Variants in DOCK10 observed in about 807,000 individuals in gnomAD.
DOCK10 encodes the protein dedicator of cytokinesis protein 10.
DOCK10 carries 145 observed loss-of-function variants against 280.1 expected under a neutral mutation model. The ratio of observed to expected loss-of-function variants is 0.52; its 90% CI spans 0.45 to 0.59. The LOEUF (loss-of-function observed/expected upper bound fraction) is 0.59, where lower values mean the gene tolerates loss of function less well. Among genes scored for constraint, DOCK10 ranks in the 20% least tolerant of loss-of-function variants. DOCK10 has a pLI of 0.00. For synonymous variants in DOCK10, 915 were observed against 942.2 expected (o/e 0.97, Z 0.53); for missense variants, 2,368 against 2,651.7 (o/e 0.89, Z 2.35).
At chr2:224,803,770 A>T (rs1177236266) in intron 39 of DOCK10, among the ~76,000 whole-genome samples, 1 of 152,186 alleles carries the variant, frequency 6.6e-6, no homozygotes, top group Non-Finnish European at 1.5e-5. Flanking sequence ...AGCTAGCATT[A>T]AAAGAGGCAT....
chr2:224,956,625 G>GAAAAAAAAAAA (rs3083983), intron 1 of DOCK10, among the ~76,000 whole-genome samples: 1 of 78,656 alleles, frequency 1.3e-5, no homozygotes, highest in Non-Finnish European at 2.3e-5. Context: ...CGCTACCTCA[G>GAAAAAAAAAAA]AAAAAAAAAA....
rs138175747 is a variant in DOCK10 at position 224,951,693 on chromosome 2, C to T, written c.124-20025G>A. On this transcript the variant is annotated intron_variant, in intron 1 of 55. Coordinates refer to ENST00000258390, the MANE Select transcript of DOCK10 (RefSeq NM_014689.3). ...TTTTCATGGGTCAGAAATCTGCATTCAGTGCGGCTCAGCTGACTCTCTGCT... is the reference window on the plus strand; with the variant it reads ...TTTTCATGGGTCAGAAATCTGCATTTAGTGCGGCTCAGCTGACTCTCTGCT... Among the ~76,000 whole-genome samples, 258 of 152,348 alleles carry T rather than the reference C, an allele frequency of 1.7e-3. 1 individual carries two copies. The highest frequency in any genetic ancestry group is 5.9e-3 in the African/African-American group (245 of 41,580).
chr2:224,799,529 T>C (rs1692825354), intron 41 of DOCK10, among the ~76,000 whole-genome samples: 1 of 152,246 alleles, frequency 6.6e-6, no homozygotes, highest in Non-Finnish European at 1.5e-5. Context: ...GGCAAATACC[T>C]ATTACAGTAT....
At chr2:224,885,585 C>A in intron 7 of DOCK10, 86 bp downstream of exon 7, 1 of 1,352,326 alleles carries the variant, frequency 7.4e-7, no homozygotes, top group Non-Finnish European at 9.8e-7. Flanking sequence ...CAGCTCTTGG[C>A]TCATATCAGA....
At chr2:224,835,399 C>T (rs1695528372) in intron 25 of DOCK10, among the ~76,000 whole-genome samples, 1 of 152,198 alleles carries the variant, frequency 6.6e-6, no homozygotes, top group African/African-American at 2.4e-5. Context: ...TTTAATTAGA[C>T]TGGCTTTAGA....
chr2:224,900,821 C>A (rs1700255851), intron 3 of DOCK10, among the ~76,000 whole-genome samples: 1 of 152,224 alleles, frequency 6.6e-6, no homozygotes, highest in South Asian at 2.1e-4. Flanking sequence ...CTATAATTCA[C>A]ATTCACAACA....
In DOCK10 at chr2:225,042,027, A is replaced by G. The variant is rs971503845; in HGVS notation, c.123+225T>C. Among the ~76,000 whole-genome samples the G allele has an allele frequency of 1.3e-5, 2 of 152,136 alleles. No individual in the cohort carries two copies. The highest frequency in any genetic ancestry group is 4.1e-4 in the South Asian group (2 of 4,834). On this transcript the variant is annotated intron_variant, in intron 1 of 55. Transcript: ENST00000258390. This position sits in a 1 kb window ranked among gnomAD's most constrained non-coding sequence, Gnocchi z 5.1. ...TGCTACCCACGCAGCTGCTCCTCTG[A>G]GCGTCCCGCGTGCACAAACGCGCCC...
chr2:224,778,194 G>A lies in DOCK10; in HGVS notation c.5746C>T (p.Leu1916Phe). 6.2e-7 allele frequency: 1 copy of A among 1,613,172 alleles called. No individual in the cohort carries two copies. Among genetic ancestry groups the A allele is most frequent in the Non-Finnish European group, 8.5e-7 (1 of 1,179,378 alleles). The part of the protein sequence containing the change: ...LSEISQRLLK[L>F]YADKFGADNV... Reference sequence around the variant, plus strand: ...TCTGCTCCAAATTTATCTGCATAGAGCTTGAGTAATCTTTGGGAAATCTCG... The same window carrying A: ...TCTGCTCCAAATTTATCTGCATAGAACTTGAGTAATCTTTGGGAAATCTCG... The change falls in exon 51 of 56, where the codon CTC becomes TTC. Residue 1916 changes from leucine to phenylalanine, a missense_variant. Around this residue, in one of 2 missense-constraint regions of DOCK10, gnomAD observed 1,159 missense variants for 1,400.8 expected, o/e 0.83. Coordinates refer to ENST00000258390, the MANE Select transcript of DOCK10 (RefSeq NM_014689.3).
chr2:224,874,221 T>C (rs373443982), intron 10 of DOCK10, 45 bp downstream of exon 10: 89 of 1,596,816 alleles, frequency 5.6e-5, no homozygotes, highest in Non-Finnish European at 7.3e-5. Context: ...AATCCCCAAC[T>C]GTATGGATCA....
chr2:224,837,448 C>T (rs1574912116), intron 25 of DOCK10, among the ~76,000 whole-genome samples: 3 of 152,356 alleles, frequency 2.0e-5, no homozygotes, highest in South Asian at 4.1e-4. Context: ...TAAATTAACA[C>T]AGGAATCTCA....
At chr2:224,955,169 C>T (rs1184638305) in intron 1 of DOCK10, among the ~76,000 whole-genome samples, 1 of 152,176 alleles carries the variant, frequency 6.6e-6, no homozygotes, top group Admixed American at 6.5e-5. Flanking sequence ...CATTACCTTG[C>T]TTTCAATATG....
intron 3 of DOCK10, among the ~76,000 whole-genome samples, chr2:224,901,723 T>C (rs1700311665): frequency 1.3e-5 from 2 of 152,176 alleles, no homozygotes; most frequent in African/African-American, 4.8e-5. Context: ...GTACTACAGG[T>C]GATTCTGAAG....
chr2:224,930,571 GAA>G (rs5839080), intron 2 of DOCK10, among the ~76,000 whole-genome samples: 35 of 146,970 alleles, frequency 2.4e-4, no homozygotes, highest in East Asian at 6.0e-4. Flanking sequence ...GGAGGAAGGT[GAA>G]AAAAAAAAAA....
At chr2:224,813,479 A>G (rs1693920757) in intron 31 of DOCK10, among the ~76,000 whole-genome samples, 1 of 152,108 alleles carries the variant, frequency 6.6e-6, no homozygotes, top group Non-Finnish European at 1.5e-5. Flanking sequence ...TACAGGCATG[A>G]TCCACCGCGC....
chr2:224,780,772 C>T (rs7586052), intron 50 of DOCK10, among the ~76,000 whole-genome samples: 32,117 of 151,792 alleles, frequency 0.21, 4,251 homozygotes, highest in African/African-American at 0.38. Flanking sequence ...TGGTGACACA[C>T]GCCTGTAGTC....
intron 4 of DOCK10, among the ~76,000 whole-genome samples, chr2:224,887,074 A>G (rs546764804): frequency 9.3e-4 from 141 of 152,314 alleles, no homozygotes; most frequent in Non-Finnish European, 1.8e-4. Context: ...TTCTAATTAC[A>G]TAAACTTACA....
At chr2:224,946,773 G>A in intron 1 of DOCK10, 2 of 1,206,828 alleles carry the variant, frequency 1.7e-6, no homozygotes, top group South Asian at 3.1e-5. Context: ...GAATACCACT[G>A]TAGAGCTAAT....
At chr2:224,962,371 T>C (rs1704498552) in intron 1 of DOCK10, among the ~76,000 whole-genome samples, 1 of 152,288 alleles carries the variant, frequency 6.6e-6, no homozygotes, top group Non-Finnish European at 1.5e-5. Context: ...AAGCACTAAA[T>C]AAGCACTGTA....
At chr2:224,999,228 C>A (rs1706356252) in intron 1 of DOCK10, among the ~76,000 whole-genome samples, 1 of 149,628 alleles carries the variant, frequency 6.7e-6, no homozygotes, top group African/African-American at 2.5e-5. Context: ...GTCTTTCTCT[C>A]TCTCTTTCTC....
Sources: allele counts gnomAD v4.1 joint callset (sites outside exome capture counted in the v4.1 genomes callset), GRCh38; gene constraint gnomAD v4.1.1; regional missense constraint gnomAD v4.1.1; non-coding constraint Gnocchi (gnomAD v3.1); transcripts MANE v1.5; gene names NCBI Gene and HGNC (gene_info 2026-07-23, HGNC 2026-07-21).